Variants in RANBP17 observed in about 807,000 individuals in gnomAD.
RANBP17 encodes the protein ran-binding protein 17.
RANBP17 carries 158 observed loss-of-function variants against 141.2 expected under a neutral mutation model. The observed-to-expected ratio is 1.12, with a 90% CI of 0.98 to 1.28. The LOEUF (loss-of-function observed/expected upper bound fraction) is 1.28. Ranked by LOEUF, RANBP17 falls within the 50% of genes most tolerant of loss-of-function variation. RANBP17 has a pLI of 0.00. For synonymous variants in RANBP17, 430 were observed against 450.0 expected, an observed-to-expected ratio of 0.96 and a Z score of 0.56; for missense variants, 1,438 against 1,290.7, an observed-to-expected ratio of 1.11 and a Z score of -1.75.
intron 5 of RANBP17, chr5:170,903,801 C>T (rs1461534953): frequency 2.6e-6 from 1 of 385,866 alleles, no homozygotes; most frequent in Non-Finnish European, 5.1e-6. Context: ...GCAGAATAAG[C>T]CCTTTGTTGC....
At chr5:171,203,025 A>G (rs954239271) in intron 19 of RANBP17, among the ~76,000 whole-genome samples, 3 of 152,082 alleles carry the variant, frequency 2.0e-5, no homozygotes, top group Non-Finnish European at 4.4e-5. Context: ...ACTGTTCACC[A>G]TGCAGCAGAC....
intron 14 of RANBP17, among the ~76,000 whole-genome samples, chr5:171,001,194 G>T (rs896048256): frequency 3.4e-4 from 52 of 152,144 alleles, no homozygotes; most frequent in Admixed American, 3.3e-3. Context: ...CAATGGGAGA[G>T]ATTCAACTGA....
intron 14 of RANBP17, among the ~76,000 whole-genome samples, chr5:171,011,040 T>C (rs1581389924): frequency 6.6e-6 from 1 of 152,072 alleles, no homozygotes; most frequent in East Asian, 1.9e-4. Flanking sequence ...AGAGAAGAAC[T>C]TCCCAGTTTC....
intron 14 of RANBP17, among the ~76,000 whole-genome samples, chr5:171,057,532 T>C (rs1043051588): frequency 6.6e-6 from 1 of 152,142 alleles, no homozygotes; most frequent in African/African-American, 2.4e-5. Context: ...GTGGATATCA[T>C]AGGGTATTTT....
intron 18 of RANBP17, among the ~76,000 whole-genome samples, chr5:171,194,144 GT>G (rs1263539653): frequency 6.6e-6 from 1 of 152,098 alleles, no homozygotes; most frequent in African/African-American, 2.4e-5. Context: ...AAGTTTCACT[GT>G]TTTGTGTACA....
At chr5:170,946,846 C>G (rs1052721842) in intron 12 of RANBP17, among the ~76,000 whole-genome samples, 20 of 152,014 alleles carry the variant, frequency 1.3e-4, no homozygotes, top group African/African-American at 4.8e-4. Flanking sequence ...AGTGAAATCA[C>G]TAACAAAAAA....
chr5:170,882,358 A>G (rs912816816), intron 3 of RANBP17, among the ~76,000 whole-genome samples: 1 of 152,152 alleles, frequency 6.6e-6, no homozygotes, highest in Admixed American at 6.6e-5. Context: ...AGGATTACAG[A>G]TGTGAACCAT....
intron 14 of RANBP17, among the ~76,000 whole-genome samples, chr5:171,145,933 G>A (rs1758001242): frequency 6.6e-6 from 1 of 152,166 alleles, no homozygotes; most frequent in Admixed American, 6.5e-5. Flanking sequence ...TCCATATTGT[G>A]TGTAATAGGC....
intron 12 of RANBP17, among the ~76,000 whole-genome samples, chr5:170,930,342 T>C (rs1773247436): frequency 6.6e-6 from 1 of 151,846 alleles, no homozygotes; most frequent in Admixed American, 6.5e-5. Context: ...ATTACTTTAG[T>C]TGCATCCCAC....
rs549651384 is a variant in RANBP17 at position 170,996,174 on chromosome 5, TAA to T, written c.1710+27800_1710+27801del. On this transcript the variant is annotated intron_variant, in intron 14 of 27. Transcript: ENST00000523189. ...TTCTACATCAAAAGGGCTAGAAATCTAAAAGTCTGAGAAAGAGAATGCTTGAG... is the reference window on the plus strand; with the variant it reads ...TTCTACATCAAAAGGGCTAGAAATCTAAGTCTGAGAAAGAGAATGCTTGAG... Among the ~76,000 whole-genome samples the T allele has an allele frequency of 7.9e-5, 12 of 152,246 alleles. No homozygotes were observed. In the South Asian group the frequency reaches 2.5e-3, roughly 32 times the overall value.
intron 22 of RANBP17, among the ~76,000 whole-genome samples, chr5:171,230,440 G>A (rs1764142150): frequency 6.6e-6 from 1 of 152,162 alleles, no homozygotes; most frequent in Non-Finnish European, 1.5e-5. Flanking sequence ...AGTTAGTTAT[G>A]TAGTAACTTT....
rs6555935 is a variant in RANBP17, at chr5:170,985,084, C to T, written c.1710+16707C>T. On this transcript the variant is annotated intron_variant, in intron 14 of 27. Transcript: ENST00000523189. The stretch of plus-strand genomic sequence containing the variant: ...AGACACATATACACACACAGGCACA[C>T]ACACACGCAGAACCACACATATACA... Among the ~76,000 whole-genome samples the T allele has an allele frequency of 1.9e-4, 29 of 151,446 alleles. No homozygotes were observed. The East Asian group carries it at 2.5e-3, about 13-fold the overall frequency.
At chr5:170,992,068 A>G (rs1249619130) in intron 14 of RANBP17, among the ~76,000 whole-genome samples, 1 of 152,004 alleles carries the variant, frequency 6.6e-6, no homozygotes, top group Non-Finnish European at 1.5e-5. Flanking sequence ...TTGATTCTAA[A>G]GTCAAGACTC....
chr5:171,139,957 A>G (rs952281155), intron 14 of RANBP17, among the ~76,000 whole-genome samples: 1 of 152,140 alleles, frequency 6.6e-6, no homozygotes, highest in Admixed American at 6.5e-5. Flanking sequence ...TAGCCAGCCC[A>G]CTGGTCTTCT....
At chr5:171,188,658 G>A (rs915087282) in intron 18 of RANBP17, among the ~76,000 whole-genome samples, 34 of 152,246 alleles carry the variant, frequency 2.2e-4, no homozygotes, top group Non-Finnish European at 5.9e-5. Context: ...AACTAGGTCC[G>A]TGTCACTCAC....
chr5:171,234,434 T>A (rs1468308573), intron 22 of RANBP17, among the ~76,000 whole-genome samples: 1 of 152,186 alleles, frequency 6.6e-6, no homozygotes, highest in East Asian at 1.9e-4. Flanking sequence ...AGGAATGACA[T>A]GACCTGACCT....
chr5:170,879,479 C>T (rs952623806), intron 2 of RANBP17, among the ~76,000 whole-genome samples: 5 of 152,122 alleles, frequency 3.3e-5, no homozygotes, highest in Non-Finnish European at 7.4e-5. Flanking sequence ...CTTGTTTTAA[C>T]TTTTGACAAT....
chr5:171,253,400 A>G (rs1765699720), intron 24 of RANBP17, among the ~76,000 whole-genome samples: 1 of 152,234 alleles, frequency 6.6e-6, no homozygotes, highest in Non-Finnish European at 1.5e-5. Flanking sequence ...TGCCTGGTTC[A>G]GTATGTATAG....
intron 22 of RANBP17, among the ~76,000 whole-genome samples, chr5:171,227,089 A>G (rs545939558): frequency 1.3e-5 from 2 of 152,290 alleles, no homozygotes; most frequent in South Asian, 2.1e-4. Context: ...TAACCCTACA[A>G]TGGCCTACAA....
Sources: gnomAD v4.1 joint callset for allele counts (sites outside exome capture counted in the v4.1 genomes callset) on GRCh38, gnomAD v4.1.1 for gene constraint, MANE v1.5 for transcripts, NCBI Gene and HGNC (gene_info 2026-07-23, HGNC 2026-07-21) for gene names.